ELFN1: variants seen among roughly 807,000 people sequenced by gnomAD.
ELFN1 encodes the protein protein ELFN1.
In ELFN1, 6 loss-of-function variants were observed where a neutral mutation model predicts 7.6. The ratio of observed to expected loss-of-function variants is 0.79; its 90% CI spans 0.43 to 1.56. ELFN1 has a LOEUF of 1.56. ELFN1 is among the 40% of genes most tolerant of loss of function. The pLI is 0.01. For synonymous variants in ELFN1, 657 were observed against 588.1 expected (o/e 1.12, Z -1.70); for missense variants, 1,169 against 1,232.2 (o/e 0.95, Z 0.77).
intron 3 of ELFN1, among the ~76,000 whole-genome samples, chr7:1,716,671 C>G (rs1299852610): frequency 6.6e-6 from 1 of 152,198 alleles, no homozygotes; most frequent in Non-Finnish European, 1.5e-5. Context: ...TCATAGCTGT[C>G]CCCTCCCCCT....
At chr7:1,743,592 C>T (rs564060507) in intron 3 of ELFN1, among the ~76,000 whole-genome samples, 32 of 152,132 alleles carry the variant, frequency 2.1e-4, no homozygotes, top group Non-Finnish European at 4.0e-4. Context: ...GGACACAGGG[C>T]GGGCGAGCTC....
chr7:1,693,323 C>T (rs927733520), intron 2 of ELFN1: 22 of 459,588 alleles, frequency 4.8e-5, no homozygotes, highest in Middle Eastern at 3.3e-4. Context: ...AGAAAGTGCC[C>T]GATTCCAAGA....
At chr7:1,733,900 A>C (rs1780376027) in intron 3 of ELFN1, among the ~76,000 whole-genome samples, 1 of 152,122 alleles carries the variant, frequency 6.6e-6, no homozygotes, top group Non-Finnish European at 1.5e-5. Flanking sequence ...TCCTTCCAGC[A>C]TCTTAGCAGG....
intron 3 of ELFN1, among the ~76,000 whole-genome samples, chr7:1,727,795 A>T (rs903730807): frequency 6.6e-6 from 1 of 152,022 alleles, no homozygotes; most frequent in African/African-American, 2.4e-5. Flanking sequence ...TTTTGCATAG[A>T]TGGGGTCTTG....
intron 3 of ELFN1, among the ~76,000 whole-genome samples, chr7:1,713,667 A>T (rs1341777437): frequency 6.6e-6 from 1 of 152,104 alleles, no homozygotes; most frequent in Non-Finnish European, 1.5e-5. Flanking sequence ...TGAAGGCAGC[A>T]GGGCCTGGGA....
chr7:1,722,457 C>T (rs1282962735), intron 3 of ELFN1, among the ~76,000 whole-genome samples: 2 of 151,816 alleles, frequency 1.3e-5, no homozygotes, highest in South Asian at 2.1e-4. Flanking sequence ...TTAGTAGAGA[C>T]AGGATTTCAC....
At position 1,728,285 on chromosome 7, in the gene ELFN1, C is replaced by T. The variant is rs28660446; in HGVS notation, c.-293-16019C>T. On this transcript the variant is annotated intron_variant, in intron 3 of 3. Transcript: ENST00000424383. ...AGCCCCTGTGGAGGGAGCCCAGCCC[C>T]GGCCTGCACCCTTCCCAGAGGCTCA... Among the ~76,000 whole-genome samples, 1,251 of 152,368 alleles carry T rather than the reference C, an allele frequency of 8.2e-3. 16 individuals carry two copies. The highest frequency in any genetic ancestry group is 0.029 in the African/African-American group (1,193 of 41,588).
In ELFN1 at chr7:1,747,111, G is replaced by A; in HGVS notation, c.*28G>A. ...CCCCCAAGACCGGCGATGCCCACTGGACCAAAAAGGATGCAGGATCCACCC... is the reference window on the plus strand; with the variant it reads ...CCCCCAAGACCGGCGATGCCCACTGAACCAAAAAGGATGCAGGATCCACCC... On this transcript the variant is annotated 3_prime_UTR_variant, in exon 4 of 4. Coordinates refer to ENST00000424383, the MANE Select transcript of ELFN1 (RefSeq NM_001128636.4). 6.9e-7 allele frequency: 1 copy of A among 1,439,766 alleles called. No individual in the cohort carries two copies. Among genetic ancestry groups the A allele is most frequent in the Non-Finnish European group, 9.2e-7 (1 of 1,090,530 alleles). 89.2% of individuals were successfully genotyped at this position (1,439,766 alleles called of 1,614,324 possible). A position where few individuals can be genotyped will look rare whatever the true frequency, so the allele number is the denominator to read the frequency against.
upstream of ELFN1, among the ~76,000 whole-genome samples, chr7:1,668,576 G>C (rs1196250451): frequency 6.6e-6 from 1 of 152,250 alleles, no homozygotes; most frequent in Non-Finnish European, 1.5e-5. Flanking sequence ...CCTTCCAAGC[G>C]TGACCAAGGA....
At chr7:1,703,197 T>C (rs1343200786) in intron 2 of ELFN1, among the ~76,000 whole-genome samples, 1 of 152,206 alleles carries the variant, frequency 6.6e-6, no homozygotes, top group Non-Finnish European at 1.5e-5. Context: ...ATTTTCTGTT[T>C]TGTGTTTGTT....
At position 1,670,538 on chromosome 7, in the gene ELFN1, T is replaced by G. The variant is rs1646427054; in HGVS notation, c.-549+184T>G. On this transcript the variant is annotated intron_variant, in intron 1 of 3. Transcript: ENST00000424383. The surrounding 1 kb of genome is among the most constrained non-coding windows in gnomAD (Gnocchi z 6.4). ...CGCGATCCGAGCGCAGCGGGCAAAGTTGGAGGAACTTGGCGGCGGCGGAGC... is the reference window on the plus strand; with the variant it reads ...CGCGATCCGAGCGCAGCGGGCAAAGGTGGAGGAACTTGGCGGCGGCGGAGC... 6.6e-6 allele frequency among the ~76,000 whole-genome samples: 1 copy of G among 151,360 alleles called. No individual in the cohort carries two copies. The highest frequency in any genetic ancestry group is 1.5e-5 in the Non-Finnish European group (1 of 67,744).
intron 3 of ELFN1, among the ~76,000 whole-genome samples, chr7:1,713,172 T>A (rs542023045): frequency 2.2e-4 from 33 of 152,356 alleles, no homozygotes; most frequent in African/African-American, 7.7e-4. Context: ...ATGAAATCTC[T>A]GTCTTCTCTC....
Position 1,745,996 on chromosome 7 carries a change from T to C in ELFN1, c.1400T>C (p.Ile467Thr), listed in dbSNP as rs1780771709. 1 of 1,544,202 alleles carries C rather than the reference T, an allele frequency of 6.5e-7. No individual in the cohort carries two copies. The highest frequency in any genetic ancestry group is 1.4e-5 in the African/African-American group (1 of 72,944). ...AAAGSLKKTI[I>T]ELKYGPELEA... is the part of the protein sequence containing the mutation. ...GCTGGCAGCCTCAAGAAGACCATCA[T>C]CGAGCTCAAGTACGGGCCAGAGCTG... The change falls in exon 4 of 4, where the codon ATC (isoleucine) becomes ACC (threonine). Residue 467 changes from isoleucine to threonine, a missense_variant. Physicochemically the swap from Ile to Thr is moderately conservative, Grantham distance 89 (BLOSUM62 -1). Coordinates refer to ENST00000424383, the MANE Select transcript of ELFN1 (RefSeq NM_001128636.4).
chr7:1,706,553 C>A (rs1351831149), intron 2 of ELFN1, among the ~76,000 whole-genome samples: 1 of 152,244 alleles, frequency 6.6e-6, no homozygotes, highest in African/African-American at 2.4e-5. Context: ...TCTGGGCGTG[C>A]CCCCGGCCTT....
intron 1 of ELFN1, among the ~76,000 whole-genome samples, chr7:1,674,415 A>C (rs935265796): frequency 1.3e-5 from 2 of 151,768 alleles, no homozygotes; most frequent in Non-Finnish European, 2.9e-5. Context: ...GTTCCTCAGG[A>C]CTCACGGCTT....
intron 2 of ELFN1, among the ~76,000 whole-genome samples, chr7:1,691,173 A>G (rs1406411781): frequency 1.3e-5 from 2 of 152,194 alleles, no homozygotes; most frequent in South Asian, 2.1e-4. Flanking sequence ...CTAAGTCCAG[A>G]TCCAGGCTTC....
chr7:1,741,638 A>C (rs1386396413), intron 3 of ELFN1, among the ~76,000 whole-genome samples: 1 of 152,144 alleles, frequency 6.6e-6, no homozygotes, highest in Non-Finnish European at 1.5e-5. Context: ...GAAGGGGGAG[A>C]GAGTGTGGCA....
intron 3 of ELFN1, among the ~76,000 whole-genome samples, chr7:1,743,575 G>A (rs550817728): frequency 3.3e-5 from 5 of 152,338 alleles, no homozygotes; most frequent in South Asian, 2.1e-4. Flanking sequence ...GGGGCACAGC[G>A]TGCCAGGGAC....
Position 1,716,009 on chromosome 7 carries a change from C to T in ELFN1, c.-294+6757C>T, listed in dbSNP as rs532629606. The stretch of plus-strand genomic sequence containing the variant: ...TCCCAGGCCCAGGTTTAACTGTGGG[C>T]GCCATTGCTCACCAGCTGTGCACAC... On this transcript the variant is annotated intron_variant, in intron 3 of 3. Transcript: ENST00000424383. Among the ~76,000 whole-genome samples the T allele has an allele frequency of 9.2e-5, 14 of 152,348 alleles. No individual in the cohort carries two copies. The South Asian group carries it at 1.0e-3, about 11-fold the overall frequency.
Sources: allele counts gnomAD v4.1 joint callset (sites outside exome capture counted in the v4.1 genomes callset), GRCh38; gene constraint gnomAD v4.1.1; non-coding constraint Gnocchi (gnomAD v3.1); transcripts MANE v1.5; gene names NCBI Gene and HGNC (gene_info 2026-07-23, HGNC 2026-07-21).